MYOM1: variants seen among roughly 807,000 people sequenced by gnomAD.
MYOM1 encodes the protein myomesin 1.
Under a neutral mutation model 205.3 loss-of-function variants are expected in MYOM1, and 164 were observed. That is an observed-to-expected ratio of 0.80 (90% CI 0.70 to 0.91). The LOEUF (loss-of-function observed/expected upper bound fraction) is 0.91, where lower values mean the gene tolerates loss of function less well. Among genes scored for constraint, MYOM1 ranks in the 40% least tolerant of loss-of-function variants. The pLI is 0.00. For synonymous variants in MYOM1, 772 were observed against 789.4 expected, an observed-to-expected ratio of 0.98 and a Z score of 0.37; for missense variants, 2,011 against 2,127.3, an observed-to-expected ratio of 0.95 and a Z score of 1.08.
chr18:3,085,248 T>TGC lies in MYOM1; in HGVS notation c.4252-117_4252-116insGC. ...CTGCTGCTTTTTTTTTTTTTTTTTT[T>TGC]TTTTTTTTTTTTTTTTTTTTTTTTG... On this transcript the variant is annotated intron_variant, in intron 30 of 37. Transcript: ENST00000356443. The TGC allele has an allele frequency of 1.0e-4, 19 of 185,696 alleles. No individual in the cohort carries two copies. In the South Asian group the frequency reaches 2.2e-3, roughly 22 times the overall value. 11.5% of individuals were successfully genotyped at this position (185,696 alleles called of 1,614,324 possible).
intron 17 of MYOM1, 123 bp downstream of exon 17, chr18:3,131,252 C>G: frequency 9.2e-7 from 1 of 1,084,414 alleles, no homozygotes; most frequent in Non-Finnish European, 1.3e-6. Flanking sequence ...AGAAAATGAT[C>G]ATCTAAGGAT....
intron 3 of MYOM1, among the ~76,000 whole-genome samples, chr18:3,192,508 A>G (rs1359264025): frequency 6.6e-6 from 1 of 152,260 alleles, no homozygotes; most frequent in Non-Finnish European, 1.5e-5. Flanking sequence ...CACAGGCAAC[A>G]GAAGTAGGTC....
intron 2 of MYOM1, among the ~76,000 whole-genome samples, chr18:3,202,987 A>C (rs918982400): frequency 2.7e-4 from 41 of 152,116 alleles, no homozygotes; most frequent in African/African-American, 9.1e-4. Context: ...AATCTACAAT[A>C]GAAAAAAATT....
intron 19 of MYOM1, among the ~76,000 whole-genome samples, chr18:3,121,297 G>A (rs7242455): frequency 0.36 from 54,354 of 151,870 alleles, 9,963 homozygotes; most frequent in East Asian, 0.59. Flanking sequence ...CTAAAATCCC[G>A]GGTAGATACA....
At chr18:3,175,982 A>C (rs1598744188) in intron 6 of MYOM1, 60 bp downstream of exon 6, 1 of 1,015,340 alleles carries the variant, frequency 9.8e-7, no homozygotes, top group African/African-American at 1.6e-5. Flanking sequence ...TGTTAACTGC[A>C]GGGGTGAGAA....
chr18:3,193,326 A>G (rs28647616), intron 3 of MYOM1, among the ~76,000 whole-genome samples: 1 of 145,652 alleles, frequency 6.9e-6, no homozygotes, highest in Admixed American at 6.9e-5. Context: ...ATATGTACAT[A>G]TACATATATA....
At chr18:3,194,309 G>T (rs868420590) in intron 2 of MYOM1, among the ~76,000 whole-genome samples, 3 of 152,194 alleles carry the variant, frequency 2.0e-5, no homozygotes, top group South Asian at 2.1e-4. Context: ...TAAATGGTTT[G>T]ATACATGGTG....
intron 5 of MYOM1, among the ~76,000 whole-genome samples, chr18:3,180,035 G>C (rs934578784): frequency 2.6e-5 from 4 of 152,162 alleles, no homozygotes; most frequent in Admixed American, 6.5e-5. Flanking sequence ...GGCAGTTCAT[G>C]CCTGTAATCC....
chr18:3,102,123 T>G (rs1319098967), intron 23 of MYOM1, among the ~76,000 whole-genome samples: 1 of 145,200 alleles, frequency 6.9e-6, no homozygotes, highest in Non-Finnish European at 1.5e-5. Context: ...TGCCTCAGCC[T>G]CCCGAGTAGC....
chr18:3,072,007 A>G, intron 36 of MYOM1, 118 bp from the exon 37 acceptor site: 1 of 895,248 alleles, frequency 1.1e-6, no homozygotes, highest in South Asian at 1.4e-5. Flanking sequence ...TAGTTCTTTT[A>G]TACAGTTTTC....
chr18:3,166,304 T>C (rs1598737699), intron 9 of MYOM1, among the ~76,000 whole-genome samples: 1 of 147,096 alleles, frequency 6.8e-6, no homozygotes, highest in East Asian at 2.1e-4. Context: ...GGCGTCTCAG[T>C]CTGTCATCCA....
chr18:3,210,561 G>A (rs2081179268), intron 2 of MYOM1, among the ~76,000 whole-genome samples: 1 of 152,178 alleles, frequency 6.6e-6, no homozygotes, highest in African/African-American at 2.4e-5. Flanking sequence ...CCCAGGCTTG[G>A]CATTCATGGA....
Position 3,155,106 on chromosome 18 carries a change from G to C in MYOM1, c.1502-18C>G. The C allele has an allele frequency of 6.2e-7, 1 of 1,603,146 alleles. No individual in the cohort carries two copies. The highest frequency in any genetic ancestry group is 8.5e-7 in the Non-Finnish European group (1 of 1,174,072). ...ATCAGCATCTGTGGAGACAGAGAAG[G>C]ATCCCATTAACCCTCTCAGACATGC... On this transcript the variant is annotated intron_variant, in intron 10 of 37. Coordinates refer to ENST00000356443, the MANE Select transcript of MYOM1 (RefSeq NM_003803.4).
chr18:3,083,156 A>T (rs539545941), intron 33 of MYOM1, among the ~76,000 whole-genome samples: 1 of 152,236 alleles, frequency 6.6e-6, no homozygotes, highest in South Asian at 2.1e-4. Context: ...CATTATAGAG[A>T]TGTCTATGAA....
intron 22 of MYOM1, 28 bp downstream of exon 22, chr18:3,112,270 T>C: frequency 1.3e-6 from 2 of 1,584,752 alleles, no homozygotes; most frequent in East Asian, 2.2e-5. Flanking sequence ...CAGATAGGAT[T>C]AGTTTTAATG....
At chr18:3,123,853 G>A (rs988471309) in intron 19 of MYOM1, among the ~76,000 whole-genome samples, 3 of 146,228 alleles carry the variant, frequency 2.1e-5, no homozygotes, top group African/African-American at 5.3e-5. Context: ...ACAGGATCTC[G>A]CTCTGTCACC....
At chr18:3,240,249 T>C in the MYOM1 span, among the ~76,000 whole-genome samples, 1 of 152,222 alleles carries the variant, frequency 6.6e-6, no homozygotes. Context: ...CTTTGTCTTT[T>C]AACAGTTAAA....
At chr18:3,121,980 G>A (rs1053110474) in intron 19 of MYOM1, among the ~76,000 whole-genome samples, 9 of 152,186 alleles carry the variant, frequency 5.9e-5, no homozygotes, top group Admixed American at 1.3e-4. Context: ...TTAGCCAGGC[G>A]TGGTGGCACA....
chr18:3,143,179 A>C (rs990208482), intron 13 of MYOM1, among the ~76,000 whole-genome samples: 3 of 152,194 alleles, frequency 2.0e-5, no homozygotes, highest in Non-Finnish European at 2.9e-5. Context: ...CAAAAATAAG[A>C]ATAAAAGCAA....
Sources: allele counts gnomAD v4.1 joint callset (sites outside exome capture counted in the v4.1 genomes callset), GRCh38; gene constraint gnomAD v4.1.1; transcripts MANE v1.5; gene names NCBI Gene and HGNC (gene_info 2026-07-23, HGNC 2026-07-21).